MCTP1: variants seen among roughly 807,000 people sequenced by gnomAD.
MCTP1 encodes the protein multiple C2 and transmembrane domain-containing protein 1.
A neutral mutation model predicts 120.6 loss-of-function variants in MCTP1; 69 were observed. That is an observed-to-expected ratio of 0.57 (90% CI 0.47 to 0.70). The LOEUF is 0.70. Ranked by LOEUF, MCTP1 falls within the 30% of genes least tolerant of loss-of-function variation. The pLI is 0.00. For missense variants in MCTP1, 1,203 were observed against 1,248.8 expected (o/e 0.96, Z 0.55); for synonymous variants, 529 against 493.1 (o/e 1.07, Z -0.96).
intron 1 of MCTP1, among the ~76,000 whole-genome samples, chr5:95,072,768 T>G (rs991037078): frequency 1.9e-5 from 2 of 103,296 alleles, no homozygotes; most frequent in African/African-American, 6.9e-5. Context: ...TTTTTTGAGA[T>G]GGAGTCTCGC....
chr5:95,268,452 G>A (rs950957597), intron 1 of MCTP1, among the ~76,000 whole-genome samples: 2 of 152,198 alleles, frequency 1.3e-5, no homozygotes, highest in African/African-American at 2.4e-5. Context: ...ATGAGCAGAT[G>A]TAGGGGATCG....
chr5:95,135,483 T>A (rs1759383117), intron 1 of MCTP1, among the ~76,000 whole-genome samples: 1 of 152,214 alleles, frequency 6.6e-6, no homozygotes, highest in African/African-American at 2.4e-5. Context: ...CCCAGGTGTA[T>A]CTGTGAGGGT....
At chr5:95,245,428 G>C (rs1239816401) in intron 1 of MCTP1, among the ~76,000 whole-genome samples, 1 of 152,032 alleles carries the variant, frequency 6.6e-6, no homozygotes, top group Non-Finnish European at 1.5e-5. Context: ...TAAAAACCTT[G>C]AAAAAAGTTA....
intron 1 of MCTP1, among the ~76,000 whole-genome samples, chr5:95,257,267 AGGCACTTC>A (rs1370563224): frequency 6.6e-6 from 1 of 152,188 alleles, no homozygotes; most frequent in Non-Finnish European, 1.5e-5. Flanking sequence ...TGTGGGATAC[AGGCACTTC>A]ATGAGTACTA....
intron 1 of MCTP1, among the ~76,000 whole-genome samples, chr5:95,271,527 G>A (rs946775779): frequency 6.6e-6 from 1 of 151,504 alleles, no homozygotes; most frequent in Non-Finnish European, 1.5e-5. Context: ...TTTTTTACCT[G>A]TAAGGATCAT....
At chr5:94,826,049 C>T (rs749836659) in intron 17 of MCTP1, 7 of 320,046 alleles carry the variant, frequency 2.2e-5, no homozygotes, top group Middle Eastern at 8.3e-4. Flanking sequence ...CATTCTGGCT[C>T]GTGGAGAAGA....
At chr5:95,154,196 T>C (rs1327050484) in intron 1 of MCTP1, 1 of 152,216 alleles carries the variant, frequency 6.6e-6, no homozygotes, top group Non-Finnish European at 1.5e-5. Flanking sequence ...CAGGAACAGA[T>C]ATTTCACACA....
chr5:95,196,018 C>G (rs1002170130), intron 1 of MCTP1, among the ~76,000 whole-genome samples: 2 of 152,094 alleles, frequency 1.3e-5, no homozygotes, highest in African/African-American at 2.4e-5. Flanking sequence ...AATCTCTACA[C>G]TGGGCCAAAT....
intron 2 of MCTP1, among the ~76,000 whole-genome samples, chr5:94,967,084 C>T (rs1022353236): frequency 6.6e-6 from 1 of 152,094 alleles, no homozygotes. Context: ...ACTGATACAA[C>T]TTTTAGTAAT....
At chr5:95,099,824 G>C (rs1324123868) in intron 1 of MCTP1, among the ~76,000 whole-genome samples, 2 of 148,894 alleles carry the variant, frequency 1.3e-5, no homozygotes, top group African/African-American at 4.9e-5. Context: ...ACATGCACAC[G>C]TATGTTTATT....
chr5:94,867,483 T>C (rs1042641611), intron 17 of MCTP1: 4 of 736,022 alleles, frequency 5.4e-6, no homozygotes, highest in Non-Finnish European at 9.3e-6. Flanking sequence ...AAGGCTCTTC[T>C]TGTAAGCCCC....
intron 19 of MCTP1, among the ~76,000 whole-genome samples, chr5:94,719,163 A>T (rs1760263804): frequency 6.6e-6 from 1 of 152,188 alleles, no homozygotes; most frequent in Non-Finnish European, 1.5e-5. Context: ...GAAACAACAG[A>T]TGCTGGCAAG....
chr5:94,921,126 C>G (rs939359251), intron 7 of MCTP1, among the ~76,000 whole-genome samples: 15 of 152,228 alleles, frequency 9.9e-5, no homozygotes, highest in African/African-American at 3.6e-4. Flanking sequence ...TTTGAACACA[C>G]TGCACTAAGT....
At chr5:94,806,057 T>C (rs1782200167) in intron 17 of MCTP1, among the ~76,000 whole-genome samples, 3 of 151,824 alleles carry the variant, frequency 2.0e-5, no homozygotes, top group Non-Finnish European at 2.9e-5. Context: ...AGGTTTGGTA[T>C]GGCAAAGAGG....
intron 17 of MCTP1, among the ~76,000 whole-genome samples, chr5:94,844,250 C>T (rs189487394): frequency 8.8e-5 from 12 of 136,838 alleles, no homozygotes; most frequent in Admixed American, 4.9e-4. Context: ...TGCAGTGAGC[C>T]GAGATCGCGC....
chr5:94,774,663 C>T (rs547362818), intron 19 of MCTP1, among the ~76,000 whole-genome samples: 34 of 152,172 alleles, frequency 2.2e-4, no homozygotes, highest in African/African-American at 2.9e-4. Context: ...TCTACTGAAC[C>T]GAGAGCTAAA....
At chr5:94,771,725 A>G (rs912666705) in intron 19 of MCTP1, among the ~76,000 whole-genome samples, 5 of 152,230 alleles carry the variant, frequency 3.3e-5, no homozygotes, top group African/African-American at 4.8e-5. Flanking sequence ...TTTAAAATAC[A>G]GTATTGTTTG....
In MCTP1 at chr5:94,767,778, G is replaced by C. The variant is rs796285507; in HGVS notation, c.2610+11332C>G. ...GAGTTGAAGAGGACACAAATGAAAAGGGATCCCATGCCCATGGATTTGAAG... is the reference window on the plus strand; with the variant it reads ...GAGTTGAAGAGGACACAAATGAAAACGGATCCCATGCCCATGGATTTGAAG... On this transcript the variant is annotated intron_variant, in intron 19 of 22. Transcript: ENST00000515393. Among the ~76,000 whole-genome samples the C allele has an allele frequency of 1.2e-4, 19 of 152,116 alleles. 1 individual carries two copies. The highest frequency in any genetic ancestry group is 4.1e-4 in the African/African-American group (17 of 41,526).
intron 1 of MCTP1, among the ~76,000 whole-genome samples, chr5:95,066,764 A>C (rs1404048362): frequency 1.3e-5 from 2 of 152,210 alleles, no homozygotes; most frequent in Non-Finnish European, 2.9e-5. Flanking sequence ...ATATTGCATG[A>C]TCTCACTTAT....
Sources: allele counts gnomAD v4.1 joint callset (sites outside exome capture counted in the v4.1 genomes callset), GRCh38; gene constraint gnomAD v4.1.1; transcripts MANE v1.5; gene names NCBI Gene and HGNC (gene_info 2026-07-23, HGNC 2026-07-21).